TCF7L2: variants seen among roughly 807,000 people sequenced by gnomAD.
TCF7L2 encodes the protein transcription factor 7 like 2.
TCF7L2 carries 23 observed loss-of-function variants against 77.9 expected under a neutral mutation model. That is an observed-to-expected ratio of 0.30 (90% CI 0.21 to 0.42). The LOEUF is 0.42. Ranked by LOEUF, TCF7L2 falls within the 10% of genes least tolerant of loss-of-function variation. The pLI is 1.00. For missense variants in TCF7L2, 654 were observed against 793.1 expected, an observed-to-expected ratio of 0.82 and a Z score of 2.11; for synonymous variants, 413 against 340.2, an observed-to-expected ratio of 1.21 and a Z score of -2.36.
At chr10:113,132,994 G>A (rs2066842377) in intron 5 of TCF7L2, 1 of 152,196 alleles carries the variant, frequency 6.6e-6, no homozygotes, top group African/African-American at 2.4e-5. Context: ...CTGATCAGGG[G>A]CGAGCCTGGA....
chr10:113,108,381 C>T (rs1438562643), intron 5 of TCF7L2, among the ~76,000 whole-genome samples: 1 of 151,978 alleles, frequency 6.6e-6, no homozygotes, highest in Non-Finnish European at 1.5e-5. Context: ...GTCCGGTGCT[C>T]TCCTAACACA....
intron 3 of TCF7L2, among the ~76,000 whole-genome samples, chr10:112,963,114 A>T (rs1165844769): frequency 6.6e-6 from 1 of 152,106 alleles, no homozygotes; most frequent in East Asian, 1.9e-4. Flanking sequence ...ATATATATGT[A>T]ATGTTTTCTA....
rs2136927629 is a variant in TCF7L2, at chr10:113,143,906, G to T, written c.686-17G>T. The T allele has an allele frequency of 6.2e-7, 1 of 1,603,420 alleles. No homozygotes were observed. On this transcript the variant is annotated splice_polypyrimidine_tract_variant and intron_variant, in intron 6 of 13. Coordinates refer to ENST00000627217, the MANE Select transcript of TCF7L2 (RefSeq NM_001146274.2). ...TCTCTCCCTCCTTTGTACCTAAAAT[G>T]CTGCTTCTTCCCTCAGGAATCCCAC...
intron 4 of TCF7L2, among the ~76,000 whole-genome samples, chr10:113,026,517 A>G (rs2049204930): frequency 6.6e-6 from 1 of 152,120 alleles, no homozygotes; most frequent in Non-Finnish European, 1.5e-5. Flanking sequence ...CAGCTCCACA[A>G]TGGTGAATCA....
chr10:113,100,108 A>G (rs1261935221), intron 5 of TCF7L2, among the ~76,000 whole-genome samples: 2 of 152,082 alleles, frequency 1.3e-5, no homozygotes, highest in East Asian at 1.9e-4. Context: ...CTGATAAGAA[A>G]CTCCCATTGT....
intron 3 of TCF7L2, among the ~76,000 whole-genome samples, chr10:112,959,678 C>G (rs2034559630): frequency 2.0e-5 from 3 of 152,100 alleles, no homozygotes; most frequent in Admixed American, 2.0e-4. Context: ...AGAGGCCCCC[C>G]TTGGTACTTT....
chr10:113,113,636 G>C (rs1180011952), intron 5 of TCF7L2, among the ~76,000 whole-genome samples: 1 of 152,142 alleles, frequency 6.6e-6, no homozygotes. Context: ...AGTTCTCCAA[G>C]CCCCAAAGAA....
chr10:113,132,588 T>C (rs2066764610), intron 5 of TCF7L2, among the ~76,000 whole-genome samples: 1 of 152,218 alleles, frequency 6.6e-6, no homozygotes, highest in South Asian at 2.1e-4. Context: ...AAAGTTGTTT[T>C]GAATTTGAGC....
chr10:113,080,274 C>T (rs1158192589), intron 5 of TCF7L2, among the ~76,000 whole-genome samples: 7 of 151,950 alleles, frequency 4.6e-5, no homozygotes, highest in Admixed American at 3.3e-4. Context: ...TTCACCTCTC[C>T]GTTTCAAGCT....
chr10:113,084,448 C>T lies in TCF7L2; in HGVS notation c.552+44322C>T, dbSNP rs181439183. Among the ~76,000 whole-genome samples, 438 of 152,332 alleles carry T rather than the reference C, an allele frequency of 2.9e-3. 2 individuals carry two copies. Among genetic ancestry groups the T allele is most frequent in the South Asian group, 3.7e-3 (18 of 4,822 alleles). On this transcript the variant is annotated intron_variant, in intron 5 of 13. Coordinates refer to ENST00000627217, the MANE Select transcript of TCF7L2 (RefSeq NM_001146274.2). ...AGGAAGATCAGCCTTGTATTCTGTT[C>T]AGGCCTTCAGCTGATGGGCTGAGGC...
chr10:113,113,064 T>C (rs1169865553), intron 5 of TCF7L2, among the ~76,000 whole-genome samples: 2 of 152,214 alleles, frequency 1.3e-5, no homozygotes, highest in African/African-American at 4.8e-5. Flanking sequence ...CTTATTTTTG[T>C]CATATTGATG....
At chr10:113,150,920 C>G in intron 8 of TCF7L2, 78 bp from the exon 9 acceptor site, 2 of 1,321,112 alleles carry the variant, frequency 1.5e-6, no homozygotes, top group Non-Finnish European at 1.0e-6. Context: ...TTTTTTTTTT[C>G]TTTTTAATTG....
At chr10:113,131,234 C>G (rs976529587) in intron 5 of TCF7L2, among the ~76,000 whole-genome samples, 3 of 152,158 alleles carry the variant, frequency 2.0e-5, no homozygotes, top group African/African-American at 7.2e-5. Flanking sequence ...ATGAAATATA[C>G]CATAGACTTA....
chr10:113,132,803 A>G (rs1181906747), intron 5 of TCF7L2: 1 of 152,168 alleles, frequency 6.6e-6, no homozygotes, highest in East Asian at 1.9e-4. Context: ...GGAGGTTGCA[A>G]ATTCCTGGGA....
chr10:113,003,747 G>A (rs187432184), intron 4 of TCF7L2, among the ~76,000 whole-genome samples: 1 of 152,290 alleles, frequency 6.6e-6, no homozygotes, highest in African/African-American at 2.4e-5. Context: ...CTTGCTTGAG[G>A]TCCCACAGGC....
chr10:113,018,112 A>G (rs924261675), intron 4 of TCF7L2, among the ~76,000 whole-genome samples: 1 of 152,176 alleles, frequency 6.6e-6, no homozygotes, highest in Admixed American at 6.5e-5. Context: ...CCCTGATTCC[A>G]TCACTGACTG....
intron 5 of TCF7L2, among the ~76,000 whole-genome samples, chr10:113,122,847 C>A (rs993237634): frequency 1.4e-4 from 21 of 152,184 alleles, no homozygotes; most frequent in Non-Finnish European, 3.1e-4. Flanking sequence ...ATCACAATTG[C>A]TGCAACCGTT....
At chr10:112,976,332 A>C (rs1026642309) in intron 4 of TCF7L2, among the ~76,000 whole-genome samples, 4 of 152,224 alleles carry the variant, frequency 2.6e-5, no homozygotes, top group African/African-American at 9.6e-5. Flanking sequence ...ACACATGATA[A>C]ATTTGATAAC....
intron 4 of TCF7L2, among the ~76,000 whole-genome samples, chr10:112,983,059 A>C (rs1319086004): frequency 1.3e-5 from 2 of 152,166 alleles, no homozygotes; most frequent in Non-Finnish European, 2.9e-5. Context: ...GATGGGCATG[A>C]AATTAGTGAC....
Sources: allele counts gnomAD v4.1 joint callset (sites outside exome capture counted in the v4.1 genomes callset), GRCh38; gene constraint gnomAD v4.1.1; transcripts MANE v1.5; gene names NCBI Gene and HGNC (gene_info 2026-07-23, HGNC 2026-07-21).